The following RABGAP1L variants were observed in gnomAD, a reference collection of about 807,000 sequenced individuals.
RABGAP1L encodes the protein RAB GTPase activating protein 1 like.
In RABGAP1L, 63 loss-of-function variants were observed where a neutral mutation model predicts 137.7. The ratio of observed to expected loss-of-function variants is 0.46; its 90% CI spans 0.37 to 0.56. The LOEUF (loss-of-function observed/expected upper bound fraction) is 0.56, where lower values mean the gene tolerates loss of function less well. Ranked by LOEUF, RABGAP1L falls within the 20% of genes least tolerant of loss-of-function variation. RABGAP1L has a pLI of 0.00. For synonymous variants in RABGAP1L, 431 were observed against 433.7 expected (o/e 0.99, Z 0.08); for missense variants, 1,095 against 1,244.0 (o/e 0.88, Z 1.80).
At chr1:174,843,370 C>G (rs1693648327) in intron 19 of RABGAP1L, among the ~76,000 whole-genome samples, 1 of 151,266 alleles carries the variant, frequency 6.6e-6, no homozygotes, top group Admixed American at 6.6e-5. Context: ...AATGCTATCC[C>G]TCCCCTCTCC....
chr1:174,532,915 C>A (rs1664551185), intron 13 of RABGAP1L, among the ~76,000 whole-genome samples: 1 of 152,134 alleles, frequency 6.6e-6, no homozygotes, highest in African/African-American at 2.4e-5. Context: ...TGATAAATAT[C>A]CATGTATCCA....
At chr1:174,903,517 A>C (rs1191714070) in intron 19 of RABGAP1L, among the ~76,000 whole-genome samples, 2 of 152,224 alleles carry the variant, frequency 1.3e-5, no homozygotes, top group Non-Finnish European at 2.9e-5. Flanking sequence ...GGGAAAATAA[A>C]ATGTTCATGT....
intron 19 of RABGAP1L, among the ~76,000 whole-genome samples, chr1:174,815,617 C>T (rs1229342089): frequency 1.3e-5 from 2 of 152,106 alleles, no homozygotes; most frequent in Admixed American, 6.6e-5. Flanking sequence ...GCAGCAGTTG[C>T]AAGCAAAAAA....
In RABGAP1L at chr1:174,642,144, T is replaced by C. The variant is rs533530591; in HGVS notation, c.1824+4656T>C. ...GTGCATATTGCTTTTTCTCATTTTT[T>C]GTTTGGTGTAAATGCTCTCTGAAAA... On this transcript the variant is annotated intron_variant, in intron 14 of 25. Transcript: ENST00000681986. Among the ~76,000 whole-genome samples, 4 of 152,298 alleles carry C rather than the reference T, an allele frequency of 2.6e-5. No homozygotes were observed. The East Asian group carries it at 5.8e-4, about 22-fold the overall frequency.
chr1:174,866,333 C>T (rs1187665833), intron 19 of RABGAP1L, among the ~76,000 whole-genome samples: 2 of 152,086 alleles, frequency 1.3e-5, no homozygotes, highest in Admixed American at 6.6e-5. Context: ...ATGTTCTGGG[C>T]ATTGCCACTG....
At chr1:174,310,416 G>A (rs1011603543) in intron 11 of RABGAP1L, among the ~76,000 whole-genome samples, 2 of 152,144 alleles carry the variant, frequency 1.3e-5, no homozygotes, top group African/African-American at 4.8e-5. Flanking sequence ...TGAGGAGAAT[G>A]TATATTGTGC....
At chr1:174,550,999 C>CATATATATACATATATATATAT (rs1666477710) in intron 13 of RABGAP1L, among the ~76,000 whole-genome samples, 3 of 86,372 alleles carry the variant, frequency 3.5e-5, no homozygotes, top group African/African-American at 2.5e-4. Context: ...TATATATACA[C>CATATATATACATATATATATAT]ATATATATAT....
intron 13 of RABGAP1L, among the ~76,000 whole-genome samples, chr1:174,609,470 T>A (rs1671022346): frequency 6.6e-6 from 1 of 152,102 alleles, no homozygotes; most frequent in Non-Finnish European, 1.5e-5. Flanking sequence ...GTATATTGAT[T>A]AAAGGGGTAG....
chr1:174,284,164 C>G (rs572260219), intron 10 of RABGAP1L, among the ~76,000 whole-genome samples: 9 of 152,258 alleles, frequency 5.9e-5, no homozygotes, highest in Admixed American at 2.6e-4. Flanking sequence ...TTCAAGTACA[C>G]AATACAATAT....
intron 1 of RABGAP1L, 117 bp from the exon 2 acceptor site, chr1:174,218,997 GATAATTATCTA>G (rs1669549139): frequency 2.0e-5 from 14 of 708,296 alleles, no homozygotes; most frequent in Non-Finnish European, 3.1e-5. Context: ...CTAACTTTGA[GATAATTATCTA>G]GCCAGCAGGA....
intron 17 of RABGAP1L, among the ~76,000 whole-genome samples, chr1:174,724,839 A>G (rs941662779): frequency 3.9e-5 from 6 of 152,234 alleles, no homozygotes; most frequent in African/African-American, 7.2e-5. Context: ...TTAGGGTTTC[A>G]AGAATGGTCT....
chr1:174,657,170 T>C (rs374910243), intron 14 of RABGAP1L, among the ~76,000 whole-genome samples: 6 of 152,318 alleles, frequency 3.9e-5, no homozygotes, highest in African/African-American at 1.2e-4. Flanking sequence ...GGTTACATAG[T>C]GGTATTTTGA....
intron 11 of RABGAP1L, among the ~76,000 whole-genome samples, chr1:174,347,504 TTTC>T (rs1682553831): frequency 6.6e-6 from 1 of 151,548 alleles, no homozygotes; most frequent in Non-Finnish European, 1.5e-5. Context: ...TGTGTGTTTT[TTTC>T]TTTGAGACTG....
At chr1:174,849,968 A>C in intron 19 of RABGAP1L, 1 of 725,606 alleles carries the variant, frequency 1.4e-6, no homozygotes, top group South Asian at 1.3e-5. Context: ...CAACATACAC[A>C]TCTTTTAGAA....
intron 7 of RABGAP1L, among the ~76,000 whole-genome samples, chr1:174,271,453 C>T (rs144378080): frequency 3.6e-4 from 55 of 152,050 alleles, no homozygotes; most frequent in Non-Finnish European, 6.9e-4. Flanking sequence ...TATTCTTTAC[C>T]CTTTCTATAA....
At chr1:174,740,182 T>C (rs1558035144) in intron 17 of RABGAP1L, among the ~76,000 whole-genome samples, 1 of 152,220 alleles carries the variant, frequency 6.6e-6, no homozygotes, top group East Asian at 1.9e-4. Flanking sequence ...CATAGAGACA[T>C]GGTTGGTAGC....
At position 174,811,926 on chromosome 1, in the gene RABGAP1L, C is replaced by A; in HGVS notation, c.2306C>A (p.Ala769Glu). Residue 769 changes from alanine (A) to glutamate (E), a missense_variant, in exon 19 of 26, where the codon GCA becomes GAA. Transcript: ENST00000681986. ...LPKRYRAEEN[A>E]RRLMEQACNI... is the part of the protein sequence containing the mutation. ...AAGAGATACAGGGCAGAGGAAAATGCAAGAAGACTGATGGAGCAGGCTTGC... is the reference window on the plus strand; with the variant it reads ...AAGAGATACAGGGCAGAGGAAAATGAAAGAAGACTGATGGAGCAGGCTTGC... 4 of 1,605,576 alleles carry A rather than the reference C, an allele frequency of 2.5e-6. No homozygotes were observed. The highest frequency in any genetic ancestry group is 3.4e-6 in the Non-Finnish European group (4 of 1,175,732).
At chr1:174,429,482 C>T (rs1251261641) in intron 13 of RABGAP1L, among the ~76,000 whole-genome samples, 1 of 152,114 alleles carries the variant, frequency 6.6e-6, no homozygotes, top group Non-Finnish European at 1.5e-5. Flanking sequence ...TGGCTGATGC[C>T]TGTAATTCCA....
chr1:174,207,255 A>C (rs963878825), intron 1 of RABGAP1L, among the ~76,000 whole-genome samples: 4 of 152,172 alleles, frequency 2.6e-5, no homozygotes. Flanking sequence ...GCATTTGTAC[A>C]CTGCTCTGTA....
Sources: allele counts gnomAD v4.1 joint callset (sites outside exome capture counted in the v4.1 genomes callset), GRCh38; gene constraint gnomAD v4.1.1; transcripts MANE v1.5; gene names NCBI Gene and HGNC (gene_info 2026-07-23, HGNC 2026-07-21).